SCP2: variants seen among roughly 807,000 people sequenced by gnomAD.
SCP2 encodes sterol carrier protein 2, also known as SCP-2/3-oxoacyl-CoA thiolase.
Under a neutral mutation model 71.4 loss-of-function variants are expected in SCP2, and 48 were observed. That is an observed-to-expected ratio of 0.67 (90% CI 0.53 to 0.86). SCP2 has a LOEUF of 0.86. Among genes scored for constraint, SCP2 ranks in the 40% least tolerant of loss-of-function variants. SCP2 has a pLI of 0.00. For synonymous variants in SCP2, 220 were observed against 218.1 expected (o/e 1.01, Z -0.08); for missense variants, 560 against 655.6 (o/e 0.85, Z 1.59).
chr1:53,014,529 A>G (rs1391715253), intron 11 of SCP2, among the ~76,000 whole-genome samples: 2 of 152,236 alleles, frequency 1.3e-5, no homozygotes, highest in Non-Finnish European at 2.9e-5. Context: ...AAAATTTCCC[A>G]TACCAGCTAA....
Position 53,047,754 on chromosome 1 carries a change from A to G in SCP2, c.1469-104A>G, listed in dbSNP as rs1663925876. On this transcript the variant is annotated intron_variant, in intron 14 of 15. Coordinates refer to ENST00000371514, the MANE Select transcript of SCP2 (RefSeq NM_002979.5). Reference sequence around the variant, plus strand: ...AGTGCCCATTTCCCCACACTGCCTCAGTGCTGGTTATAATTCTGTTGCAGT... The same window carrying G: ...AGTGCCCATTTCCCCACACTGCCTCGGTGCTGGTTATAATTCTGTTGCAGT... The G allele has an allele frequency of 1.1e-5, 9 of 788,046 alleles. No individual in the cohort carries two copies. The South Asian group carries it at 1.3e-4, about 11-fold the overall frequency. 48.8% of individuals were successfully genotyped at this position (788,046 alleles called of 1,614,324 possible). A position where few individuals can be genotyped will look rare whatever the true frequency, so the allele number is the denominator to read the frequency against.
chr1:53,026,702 T>C (rs559623506), intron 12 of SCP2, among the ~76,000 whole-genome samples: 1 of 152,226 alleles, frequency 6.6e-6, no homozygotes, highest in Non-Finnish European at 1.5e-5. Context: ...CCCAGCTTAC[T>C]TGGGAGGCTG....
intron 11 of SCP2, among the ~76,000 whole-genome samples, chr1:53,012,453 T>C (rs1181549883): frequency 6.6e-6 from 1 of 152,252 alleles, no homozygotes; most frequent in African/African-American, 2.4e-5. Flanking sequence ...ATACCCTTTC[T>C]CTAATTAATC....
intron 3 of SCP2, among the ~76,000 whole-genome samples, chr1:52,950,247 A>G (rs949634078): frequency 6.6e-6 from 1 of 151,974 alleles, no homozygotes; most frequent in African/African-American, 2.4e-5. Flanking sequence ...CAGCCTCCCA[A>G]GTAGCTGGGA....
intron 1 of SCP2, among the ~76,000 whole-genome samples, chr1:52,938,909 A>G (rs116646549): frequency 0.011 from 1,695 of 152,334 alleles, 13 homozygotes; most frequent in African/African-American, 0.03. Context: ...GATCATACAG[A>G]ATAGTTTCAC....
At position 52,961,516 on chromosome 1, in the gene SCP2, C is replaced by T. The variant is rs1244174054; in HGVS notation, c.410C>T (p.Thr137Ile). ...CCCCCCTCTTAGTTTTCAGATAGAA[C>T]CATTCCCACTGATAAGCATGTTGAC... is the stretch of plus-strand genomic sequence containing the variant. ...GSLGIKFSDR[T>I]IPTDKHVDLL... is the part of the protein sequence containing the mutation. The change falls in exon 6 of 16, where the codon ACC becomes ATC. Residue 137 changes from threonine (T) to isoleucine (I), a missense_variant. Transcript: ENST00000371514. 2.5e-6 allele frequency: 4 copies of T among 1,613,830 alleles called. No individual in the cohort carries two copies. Among genetic ancestry groups the T allele is most frequent in the Admixed American group, 1.7e-5 (1 of 60,002 alleles).
At chr1:52,953,444 A>C (rs1466383710) in intron 4 of SCP2, among the ~76,000 whole-genome samples, 2 of 151,984 alleles carry the variant, frequency 1.3e-5, no homozygotes, top group African/African-American at 4.8e-5. Flanking sequence ...GCCTCAGGTG[A>C]TCCTCCCACC....
chr1:52,961,929 G>T lies in SCP2; in HGVS notation c.523+300G>T, dbSNP rs551008143. Among the ~76,000 whole-genome samples, 15 of 152,122 alleles carry T rather than the reference G, an allele frequency of 9.9e-5. No homozygotes were observed. In the East Asian group the frequency reaches 2.7e-3, roughly 27 times the overall value. On this transcript the variant is annotated intron_variant, in intron 6 of 15. Transcript: ENST00000371514. Reference sequence around the variant, plus strand: ...TAAATTATTTTTTTCCAAGCTGAGGGTTTCACTCTGTTATGCAGGTTGGGT... The same window carrying T: ...TAAATTATTTTTTTCCAAGCTGAGGTTTTCACTCTGTTATGCAGGTTGGGT...
chr1:53,002,916 C>T (rs566785336), intron 11 of SCP2, among the ~76,000 whole-genome samples: 7 of 152,262 alleles, frequency 4.6e-5, no homozygotes, highest in East Asian at 1.9e-4. Context: ...AATCCTAGGA[C>T]GATGACTGGT....
intron 2 of SCP2, chr1:52,943,422 C>T (rs78682257): frequency 0.043 from 7,033 of 164,856 alleles, 464 homozygotes; most frequent in East Asian, 0.34. Flanking sequence ...TGGGGTTTCA[C>T]CATGTTGGCC....
At chr1:52,974,948 T>C in intron 7 of SCP2, 116 bp downstream of exon 7, 1 of 695,760 alleles carries the variant, frequency 1.4e-6, no homozygotes, top group Admixed American at 2.3e-5. Context: ...TAGAATGTTT[T>C]ATTTTTTTCT....
At chr1:52,932,734 T>C (rs1445709123) in intron 1 of SCP2, among the ~76,000 whole-genome samples, 1 of 152,168 alleles carries the variant, frequency 6.6e-6, no homozygotes, top group African/African-American at 2.4e-5. Flanking sequence ...ATGAAATACA[T>C]GAGTTAGGCA....
At chr1:53,049,756 G>A (rs1230262155) in intron 15 of SCP2, 1 of 151,616 alleles carries the variant, frequency 6.6e-6, no homozygotes, top group African/African-American at 2.4e-5. Context: ...AGAGGAAGGG[G>A]AAAAAAAGGA....
intron 15 of SCP2, chr1:53,048,184 G>A (rs1470804773): frequency 1.1e-5 from 5 of 440,900 alleles, no homozygotes; most frequent in African/African-American, 1.0e-4. Context: ...AGTCAGTGCA[G>A]CCAGAGATCC....
intron 11 of SCP2, among the ~76,000 whole-genome samples, chr1:53,012,472 A>G (rs1557607244): frequency 6.6e-6 from 1 of 152,186 alleles, no homozygotes; most frequent in Non-Finnish European, 1.5e-5. Context: ...TCTGACTTTT[A>G]CAAGTTGATT....
At chr1:52,978,610 T>G (rs577320700) in intron 9 of SCP2, among the ~76,000 whole-genome samples, 1 of 152,348 alleles carries the variant, frequency 6.6e-6, no homozygotes, top group African/African-American at 2.4e-5. Flanking sequence ...TCACTCAGGC[T>G]GCAGTGCAGT....
chr1:52,965,045 C>A (rs900126040), intron 6 of SCP2, among the ~76,000 whole-genome samples: 6 of 152,032 alleles, frequency 3.9e-5, no homozygotes, highest in African/African-American at 1.4e-4. Flanking sequence ...ACAACAACAA[C>A]AAAATTAATT....
chr1:52,961,434 C>T, intron 5 of SCP2, 69 bp from the exon 6 acceptor site: 1 of 1,482,664 alleles, frequency 6.7e-7, no homozygotes, highest in Non-Finnish European at 9.4e-7. Flanking sequence ...ATCTTAATAG[C>T]ACTGTAGTAG....
chr1:52,932,573 C>T (rs1653260538), intron 1 of SCP2, among the ~76,000 whole-genome samples: 1 of 152,196 alleles, frequency 6.6e-6, no homozygotes, highest in African/African-American at 2.4e-5. Context: ...CCCAGGGTGG[C>T]ATCTGTGCAA....
Sources: allele counts gnomAD v4.1 joint callset (sites outside exome capture counted in the v4.1 genomes callset), GRCh38; gene constraint gnomAD v4.1.1; transcripts MANE v1.5; gene names NCBI Gene and HGNC (gene_info 2026-07-23, HGNC 2026-07-21).